The following IL12RB1 variants were observed in gnomAD, a reference collection of about 807,000 sequenced individuals.
IL12RB1 encodes interleukin 12 receptor subunit beta 1.
IL12RB1 carries 64 observed loss-of-function variants against 94.4 expected under a neutral mutation model. That is an observed-to-expected ratio of 0.68 (90% CI 0.55 to 0.83). The LOEUF (loss-of-function observed/expected upper bound fraction) is 0.83. IL12RB1 is among the 40% of genes least tolerant of loss of function. The pLI is 0.00. For missense variants in IL12RB1, 814 were observed against 855.6 expected (o/e 0.95, Z 0.61); for synonymous variants, 362 against 355.5 (o/e 1.02, Z -0.21).
In IL12RB1 at chr19:18,072,555, G is replaced by C. The variant is rs146792100; in HGVS notation, c.784-206C>G. Among the ~76,000 whole-genome samples the C allele has an allele frequency of 1.4e-3, 215 of 152,234 alleles. 1 individual carries two copies. The highest frequency in any genetic ancestry group is 1.5e-3 in the Non-Finnish European group (105 of 68,018). Reference sequence around the variant, plus strand: ...ACCTCCCGCACACATCTAGCTTGAGGGAGGTGGGAAATTGACAAAACCCAC... The same window carrying C: ...ACCTCCCGCACACATCTAGCTTGAGCGAGGTGGGAAATTGACAAAACCCAC... On this transcript the variant is annotated intron_variant, in intron 8 of 16. Coordinates refer to ENST00000593993, the MANE Select transcript of IL12RB1 (RefSeq NM_005535.3).
chr19:18,091,074 G>C (rs1025108905), upstream of IL12RB1, among the ~76,000 whole-genome samples: 2 of 152,152 alleles, frequency 1.3e-5, no homozygotes, highest in African/African-American at 4.8e-5. Context: ...AAAGGGCCTG[G>C]CTTTCTCCGA....
chr19:18,074,516 G>A (rs554261394), intron 7 of IL12RB1, among the ~76,000 whole-genome samples: 3 of 152,288 alleles, frequency 2.0e-5, no homozygotes, highest in African/African-American at 7.2e-5. Flanking sequence ...GGGAGACCGT[G>A]GTGGGAGGAT....
upstream of IL12RB1, chr19:18,090,636 C>T (rs980482684): frequency 6.6e-6 from 1 of 152,502 alleles, no homozygotes; most frequent in South Asian, 2.1e-4. Context: ...CCTCTCAGGC[C>T]TCATCTTTCC....
intron 1 of IL12RB1, among the ~76,000 whole-genome samples, chr19:18,086,470 T>C (rs2036349580): frequency 6.6e-6 from 1 of 152,160 alleles, no homozygotes; most frequent in Admixed American, 6.6e-5. Flanking sequence ...ATACTATGTA[T>C]ACCTATTAGA....
In IL12RB1 at chr19:18,059,999, G is replaced by A. The variant is rs772945592; in HGVS notation, c.1878C>T (p.Gly626=). ...TCTTCTCGAGAGGCTCAGTCCTCTC[G>A]CCTTTGTCCCAGGACATCTCTACCA... The part of the protein sequence containing the change: ...ALVVEMSWDK[G]ERTEPLEKTE... The change falls in exon 16 of 17, where the codon GGC becomes GGT. Residue 626 remains glycine, a synonymous_variant. Coordinates refer to ENST00000593993, the MANE Select transcript of IL12RB1 (RefSeq NM_005535.3). The A allele has an allele frequency of 8.1e-6, 13 of 1,600,142 alleles. No individual in the cohort carries two copies. The East Asian group carries it at 1.1e-4, about 14-fold the overall frequency.
At chr19:18,092,530 C>T (rs1243704240) in intron 1 of IL12RB1, among the ~76,000 whole-genome samples, 1 of 151,998 alleles carries the variant, frequency 6.6e-6, no homozygotes, top group Non-Finnish European at 1.5e-5. Context: ...ATTAGCCAGG[C>T]ATGGTGGCAC....
chr19:18,072,845 G>T (rs974197056), intron 8 of IL12RB1, among the ~76,000 whole-genome samples: 7 of 151,424 alleles, frequency 4.6e-5, no homozygotes, highest in African/African-American at 1.7e-4. Context: ...TACTCGGGAG[G>T]CTGAGGCAGG....
In IL12RB1 at chr19:18,072,116, G is replaced by C. The variant is rs17884957; in HGVS notation, c.1017C>G (p.His339Gln). 3.2e-4 allele frequency: 514 copies of C among 1,610,222 alleles called. No homozygotes were observed. In the African/African-American group the frequency reaches 6.0e-3, roughly 19 times the overall value. ...CTCCCCACCCAGAGGAGGCACCTGT[G>C]TGGGTGTCGGCAGGAATGTGCCACG... is the stretch of plus-strand genomic sequence containing the variant. ...NQTWHIPADT[H>Q]TEPVALNISV... The change falls in exon 9 of 17, where the codon CAC (histidine) becomes CAG (glutamine). Residue 339 changes from histidine (H) to glutamine (Q), a missense_variant. His to Gln is a conservative substitution (Grantham distance 24). Coordinates refer to ENST00000593993, the MANE Select transcript of IL12RB1 (RefSeq NM_005535.3).
chr19:18,069,518 G>T (rs755740542), intron 10 of IL12RB1, 28 bp downstream of exon 10: 7 of 1,579,280 alleles, frequency 4.4e-6, no homozygotes, highest in Non-Finnish European at 6.0e-6. Flanking sequence ...CAGAGGAGGG[G>T]TAGGCGCAGG....
At chr19:18,096,069 C>A (rs571319042) in intron 1 of IL12RB1, among the ~76,000 whole-genome samples, 49 of 151,848 alleles carry the variant, frequency 3.2e-4, no homozygotes, top group African/African-American at 4.3e-4. Context: ...ACAAAAAAAA[C>A]CCAAAAAAAT....
intron 10 of IL12RB1, 70 bp downstream of exon 10, chr19:18,069,476 T>G (rs1476394490): frequency 1.4e-6 from 2 of 1,434,988 alleles, no homozygotes; most frequent in African/African-American, 2.8e-5. Flanking sequence ...TCCCTGCAGG[T>G]TTGAACCCAC....
chr19:18,080,764 A>G, intron 4 of IL12RB1, 68 bp downstream of exon 4: 1 of 1,043,684 alleles, frequency 9.6e-7, no homozygotes, highest in Non-Finnish European at 1.5e-6. Context: ...AATCCTCTCT[A>G]GCTCCAGCCT....
At chr19:18,075,722 CT>C (rs770140463) in intron 7 of IL12RB1, 26 bp downstream of exon 7, 1 of 1,603,292 alleles carries the variant, frequency 6.2e-7, no homozygotes, top group South Asian at 1.1e-5. Context: ...ATGCTTGCCC[CT>C]GTTCCTGTAC....
At position 18,059,221 on chromosome 19, in the gene IL12RB1, T is replaced by G. The variant is rs1326563502; in HGVS notation, c.*387A>C. On this transcript the variant is annotated 3_prime_UTR_variant, in exon 17 of 17. Transcript: ENST00000593993. Reference sequence around the variant, plus strand: ...CCCCCTTCCCTATATGCCTGGATCCTCCAAGCTACAAGACCCCGCAATGCT... The same window carrying G: ...CCCCCTTCCCTATATGCCTGGATCCGCCAAGCTACAAGACCCCGCAATGCT... The G allele has an allele frequency of 6.6e-5, 20 of 303,518 alleles. No homozygotes were observed. The highest frequency in any genetic ancestry group is 5.1e-5 in the Non-Finnish European group (8 of 157,494). 18.8% of individuals were successfully genotyped at this position (303,518 alleles called of 1,614,324 possible).
chr19:18,064,072 G>A (rs2034374268), intron 12 of IL12RB1, 62 bp from the exon 13 acceptor site: 1 of 1,236,218 alleles, frequency 8.1e-7, no homozygotes, highest in Admixed American at 1.8e-5. Flanking sequence ...GCCAGGCTGG[G>A]CTACCACAGC....
chr19:18,080,487 T>G (rs537565364), intron 4 of IL12RB1, among the ~76,000 whole-genome samples: 1 of 152,122 alleles, frequency 6.6e-6, no homozygotes, highest in Non-Finnish European at 1.5e-5. Context: ...TCCACCCACC[T>G]CAGCCTCCCA....
rs201729346 is a variant in IL12RB1 at position 18,084,283 on chromosome 19, TATCCATCC to T, written c.65-800_65-793del. ...TCCATCCATCCACCCCCCATCCATC[TATCCATCC>T]ATCCATCCATCCATCCATCCATCCA... On this transcript the variant is annotated intron_variant, in intron 1 of 16. Transcript: ENST00000593993. 2.7e-4 allele frequency among the ~76,000 whole-genome samples: 35 copies of T among 129,584 alleles called. No homozygotes were observed. The South Asian group carries it at 3.5e-3, about 13-fold the overall frequency. 85.0% of individuals were successfully genotyped at this position (129,584 alleles called of 152,430 possible).
At chr19:18,092,948 G>T (rs1324494576) in intron 1 of IL12RB1, among the ~76,000 whole-genome samples, 1 of 152,150 alleles carries the variant, frequency 6.6e-6, no homozygotes, top group Non-Finnish European at 1.5e-5. Flanking sequence ...AAATGTATTT[G>T]TTCATTCAAT....
chr19:18,097,806 G>T, intron 1 of IL12RB1: 1 of 1,225,238 alleles, frequency 8.2e-7, no homozygotes, highest in Non-Finnish European at 1.0e-6. Context: ...GACGAGTCGA[G>T]CCTCCTGCGG....
Sources: allele counts gnomAD v4.1 joint callset (sites outside exome capture counted in the v4.1 genomes callset), GRCh38; gene constraint gnomAD v4.1.1; transcripts MANE v1.5; gene names NCBI Gene and HGNC (gene_info 2026-07-23, HGNC 2026-07-21).